AGBL1: variants seen among roughly 807,000 people sequenced by gnomAD.
AGBL1 encodes AGBL carboxypeptidase 1.
A neutral mutation model predicts 118.9 loss-of-function variants in AGBL1; 130 were observed. That is an observed-to-expected ratio of 1.09 (90% CI 0.95 to 1.26). The LOEUF is 1.26. AGBL1 is among the 50% of genes most tolerant of loss of function. The pLI, the probability that AGBL1 is intolerant of heterozygous loss-of-function variation, is 0.00. For synonymous variants in AGBL1, 555 were observed against 478.9 expected (o/e 1.16, Z -2.08); for missense variants, 1,584 against 1,298.1 (o/e 1.22, Z -3.38).
Position 86,689,986 on chromosome 15 carries a change from T to C in AGBL1, c.3158+15550T>C, listed in dbSNP as rs188217227. Among the ~76,000 whole-genome samples, 696 of 152,276 alleles carry C rather than the reference T, an allele frequency of 4.6e-3. 3 individuals carry two copies. Among genetic ancestry groups the C allele is most frequent in the African/African-American group, 0.016 (664 of 41,582 alleles). On this transcript the variant is annotated intron_variant, in intron 22 of 22. Coordinates refer to ENST00000614907, the MANE Select transcript of AGBL1 (RefSeq NM_001386094.1). ...AAGCTCTTATTGCAACTAGTAACTTTGGTAGAAACATAATGTCTAGAATTA... is the reference window on the plus strand; with the variant it reads ...AAGCTCTTATTGCAACTAGTAACTTCGGTAGAAACATAATGTCTAGAATTA...
At chr15:86,778,018 G>A (rs144681241) in intron 22 of AGBL1, among the ~76,000 whole-genome samples, 1,962 of 152,142 alleles carry the variant, frequency 0.013, 45 homozygotes, top group African/African-American at 0.044. Context: ...AGGGTCAGCC[G>A]GTCTGAGAAA....
At chr15:86,386,844 G>C (rs2081204177) in intron 17 of AGBL1, among the ~76,000 whole-genome samples, 1 of 152,086 alleles carries the variant, frequency 6.6e-6, no homozygotes, top group Admixed American at 6.6e-5. Context: ...CCCTATTATA[G>C]TGCCTGTTGC....
At chr15:86,247,012 A>AGGTAC (rs2078731537) in intron 6 of AGBL1, among the ~76,000 whole-genome samples, 3 of 152,144 alleles carry the variant, frequency 2.0e-5, no homozygotes, top group Non-Finnish European at 4.4e-5. Context: ...TTCTGAGAAT[A>AGGTAC]AGGTACAGAC....
intron 22 of AGBL1, among the ~76,000 whole-genome samples, chr15:86,725,373 G>A (rs2086803821): frequency 6.6e-6 from 1 of 152,238 alleles, no homozygotes; most frequent in East Asian, 1.9e-4. Context: ...TCTAGGATAG[G>A]GTAGGGGAGG....
At chr15:87,021,539 C>T (rs2141803895) in intron 24 of AGBL1, among the ~76,000 whole-genome samples, 1 of 152,130 alleles carries the variant, frequency 6.6e-6, no homozygotes, top group African/African-American at 2.4e-5. Context: ...AAATGCAACT[C>T]TCATCAGAGT....
intron 21 of AGBL1, among the ~76,000 whole-genome samples, chr15:86,656,477 G>A (rs2085463210): frequency 6.6e-6 from 1 of 152,134 alleles, no homozygotes; most frequent in Non-Finnish European, 1.5e-5. Flanking sequence ...GCTGCTTGTT[G>A]AGGTTCTAAT....
At chr15:86,085,600 G>C (rs1895591464) in intron 1 of AGBL1, among the ~76,000 whole-genome samples, 1 of 152,034 alleles carries the variant, frequency 6.6e-6, no homozygotes, top group Non-Finnish European at 1.5e-5. Flanking sequence ...TTTGTCACTG[G>C]ACTTCTTCCT....
chr15:86,447,251 T>C (rs1280106812), intron 18 of AGBL1, among the ~76,000 whole-genome samples: 1 of 152,346 alleles, frequency 6.6e-6, no homozygotes, highest in East Asian at 1.9e-4. Context: ...TTCAGGCCAA[T>C]GGTAGAGAGT....
intron 17 of AGBL1, among the ~76,000 whole-genome samples, chr15:86,378,556 A>G (rs763492547): frequency 2.6e-5 from 4 of 152,152 alleles, no homozygotes; most frequent in Admixed American, 2.0e-4. Context: ...CAACTGGGCC[A>G]TTCTGAGAGC....
chr15:86,387,117 T>C (rs557531422), intron 17 of AGBL1, among the ~76,000 whole-genome samples: 14 of 151,902 alleles, frequency 9.2e-5, no homozygotes, highest in Admixed American at 7.2e-4. Flanking sequence ...ACATGGTGAG[T>C]TGTACACAGT....
At chr15:86,423,999 C>A (rs2081830608) in intron 18 of AGBL1, among the ~76,000 whole-genome samples, 1 of 152,116 alleles carries the variant, frequency 6.6e-6, no homozygotes, top group Non-Finnish European at 1.5e-5. Context: ...ATCAAGCTAC[C>A]ATTGACTTTC....
Position 86,826,844 on chromosome 15 carries a change from C to T in AGBL1, c.3159-80243C>T, listed in dbSNP as rs143976264. Among the ~76,000 whole-genome samples the T allele has an allele frequency of 1.6e-3, 236 of 152,068 alleles. 1 individual carries two copies. The highest frequency in any genetic ancestry group is 5.5e-3 in the African/African-American group (227 of 41,480). ...TAAGACAAATGGTGATGATGAGATT[C>T]CAGAGTGGTTGAGACTGGGTGGCAG... On this transcript the variant is annotated intron_variant, in intron 22 of 22. Transcript: ENST00000614907.
At chr15:86,295,452 T>C (rs1567183608) in intron 17 of AGBL1, 44 bp downstream of exon 17, 1 of 1,518,246 alleles carries the variant, frequency 6.6e-7, no homozygotes, top group Non-Finnish European at 8.8e-7. Flanking sequence ...TGACTAAGGG[T>C]GTCCTTTATA....
At chr15:86,228,280 A>C (rs2078399368) in intron 6 of AGBL1, among the ~76,000 whole-genome samples, 1 of 152,218 alleles carries the variant, frequency 6.6e-6, no homozygotes, top group Admixed American at 6.5e-5. Context: ...CTAAAATTCA[A>C]GACTTCACCA....
chr15:86,889,891 A>G (rs2080026306), intron 22 of AGBL1, among the ~76,000 whole-genome samples: 1 of 152,206 alleles, frequency 6.6e-6, no homozygotes, highest in Non-Finnish European at 1.5e-5. Flanking sequence ...AATGATTTAT[A>G]TTCCTTTGGG....
intron 4 of AGBL1, among the ~76,000 whole-genome samples, chr15:86,156,089 T>G (rs1246353046): frequency 6.6e-6 from 1 of 152,102 alleles, no homozygotes; most frequent in East Asian, 1.9e-4. Flanking sequence ...GCCTGGCTAA[T>G]TTTTATATTT....
At chr15:86,158,231 T>C (rs1390230330) in intron 4 of AGBL1, among the ~76,000 whole-genome samples, 1 of 137,520 alleles carries the variant, frequency 7.3e-6, no homozygotes, top group Non-Finnish European at 1.7e-5. Flanking sequence ...TCTGAAAGAC[T>C]GTAGTGAGAT....
chr15:86,476,797 T>G (rs185769600), intron 18 of AGBL1, among the ~76,000 whole-genome samples: 3 of 150,586 alleles, frequency 2.0e-5, no homozygotes, highest in East Asian at 4.0e-4. Flanking sequence ...AGCACCACAT[T>G]GCACTTATTC....
At chr15:86,970,127 G>T (rs971396049) in intron 23 of AGBL1, among the ~76,000 whole-genome samples, 1 of 151,856 alleles carries the variant, frequency 6.6e-6, no homozygotes, top group Admixed American at 6.6e-5. Context: ...TCTTTCAATT[G>T]CGGAGGAAGT....
Sources: gnomAD v4.1 joint callset for allele counts (sites outside exome capture counted in the v4.1 genomes callset) on GRCh38, gnomAD v4.1.1 for gene constraint, MANE v1.5 for transcripts, NCBI Gene and HGNC (gene_info 2026-07-23, HGNC 2026-07-21) for gene names.